CPZ: variants seen among roughly 807,000 people sequenced by gnomAD.
The protein encoded by CPZ is carboxypeptidase Z, also known as VEZT/CPZ fusion.
CPZ carries 103 observed loss-of-function variants against 61.8 expected under a neutral mutation model. The observed-to-expected ratio is 1.67, with a 90% CI of 1.42 to 1.96. The LOEUF (loss-of-function observed/expected upper bound fraction) is 1.96, where lower values mean the gene tolerates loss of function less well. CPZ is among the 30% of genes most tolerant of loss of function. The probability of loss-of-function intolerance (pLI) is 0.00; values close to 1 mark genes in which losing one functional copy is unlikely to be tolerated. For missense variants in CPZ, 1,461 were observed against 914.9 expected, an observed-to-expected ratio of 1.60 and a Z score of -7.70; for synonymous variants, 551 against 373.7, an observed-to-expected ratio of 1.47 and a Z score of -5.47.
chr4:8,617,110 C>T lies in CPZ; in HGVS notation c.1504-1319C>T, dbSNP rs377393011. Among the ~76,000 whole-genome samples the T allele has an allele frequency of 9.8e-5, 15 of 152,358 alleles. No individual in the cohort carries two copies. In the East Asian group the frequency reaches 1.2e-3, roughly 12 times the overall value. On this transcript the variant is annotated intron_variant, in intron 9 of 10. Coordinates refer to ENST00000360986, the MANE Select transcript of CPZ (RefSeq NM_001014447.3). ...GTGAGCCTGGAACAGCAGTTAGGTG[C>T]CACAGGGTCTGAGCTCACGGGCCGC...
intron 8 of CPZ, among the ~76,000 whole-genome samples, chr4:8,613,533 C>A (rs969868137): frequency 1.3e-5 from 2 of 152,332 alleles, no homozygotes; most frequent in Admixed American, 1.3e-4. Flanking sequence ...GGGGTCTGGG[C>A]AGGGACTGTC....
intron 1 of CPZ, among the ~76,000 whole-genome samples, chr4:8,598,231 A>T (rs1053456757): frequency 6.6e-6 from 1 of 152,240 alleles, no homozygotes. Context: ...GTAGGGATCC[A>T]GGACTGTGGT....
chr4:8,605,130 G>C (rs1486857360), intron 4 of CPZ, among the ~76,000 whole-genome samples: 1 of 152,218 alleles, frequency 6.6e-6, no homozygotes, highest in Admixed American at 6.5e-5. Context: ...CCCGGGATGT[G>C]GCATCTGAGG....
chr4:8,612,800 C>T lies in CPZ; in HGVS notation c.1363+638C>T, dbSNP rs773654237. On this transcript the variant is annotated intron_variant, in intron 8 of 10. Coordinates refer to ENST00000360986, the MANE Select transcript of CPZ (RefSeq NM_001014447.3). ...CATGCCGGCACATCACAGATGAGAG[C>T]GCTGGGCTCAGCTGAGAGAAGGACT... is the stretch of plus-strand genomic sequence containing the variant. Among the ~76,000 whole-genome samples the T allele has an allele frequency of 4.6e-5, 7 of 152,196 alleles. No individual in the cohort carries two copies. In the South Asian group the frequency reaches 6.2e-4, roughly 14 times the overall value.
intron 9 of CPZ, among the ~76,000 whole-genome samples, chr4:8,615,261 G>A (rs888973892): frequency 2.0e-5 from 3 of 152,056 alleles, no homozygotes; most frequent in Non-Finnish European, 4.4e-5. Flanking sequence ...GCCCCAGAGA[G>A]CCAAGGTCTC....
At chr4:8,611,619 G>A (rs1369753146) in intron 7 of CPZ, among the ~76,000 whole-genome samples, 4 of 152,138 alleles carry the variant, frequency 2.6e-5, no homozygotes, top group Admixed American at 1.3e-4. Flanking sequence ...AGATGAAGTC[G>A]GGGAAAATGC....
intron 1 of CPZ, among the ~76,000 whole-genome samples, chr4:8,595,408 A>C (rs1714105339): frequency 6.6e-6 from 1 of 152,220 alleles, no homozygotes. Flanking sequence ...CTAACCAGCC[A>C]CAGTCGTCCT....
chr4:8,606,987 G>A lies in CPZ; in HGVS notation c.1068+89G>A, dbSNP rs143093584. The A allele has an allele frequency of 1.8e-4, 263 of 1,425,054 alleles. No homozygotes were observed. In the African/African-American group the frequency reaches 3.3e-3, roughly 18 times the overall value. 88.3% of individuals were successfully genotyped at this position (1,425,054 alleles called of 1,614,324 possible). A position where few individuals can be genotyped will look rare whatever the true frequency, so the allele number is the denominator to read the frequency against. On this transcript the variant is annotated intron_variant, in intron 6 of 10. Coordinates refer to ENST00000360986, the MANE Select transcript of CPZ (RefSeq NM_001014447.3). ...GGCTCTCTGGAGTTGTCCTTCCCTGGGGACAGGAGAGCCTGGTGCTCCCTC... is the reference window on the plus strand; with the variant it reads ...GGCTCTCTGGAGTTGTCCTTCCCTGAGGACAGGAGAGCCTGGTGCTCCCTC...
chr4:8,613,998 G>A (rs1011489028), intron 8 of CPZ, among the ~76,000 whole-genome samples: 4 of 152,234 alleles, frequency 2.6e-5, no homozygotes, highest in Non-Finnish European at 5.9e-5. Flanking sequence ...GAGACAGCAT[G>A]GGGGTGGGGA....
chr4:8,619,140 G>A, intron 10 of CPZ, 122 bp from the exon 11 acceptor site: 1 of 780,560 alleles, frequency 1.3e-6, no homozygotes, highest in Non-Finnish European at 2.0e-6. Flanking sequence ...CCACACAGAG[G>A]CAAGTGCACA....
chr4:8,610,983 GTCACTCACTCTT>G (rs1004831349), intron 7 of CPZ, among the ~76,000 whole-genome samples: 5 of 151,536 alleles, frequency 3.3e-5, no homozygotes, highest in African/African-American at 9.7e-5. Flanking sequence ...CATTCACTCA[GTCACTCACTCTT>G]TCACTCATTC....
At chr4:8,597,316 G>C (rs7676533) in intron 1 of CPZ, 147,290 of 152,308 alleles carry the variant, frequency 0.97, 71,331 homozygotes, top group South Asian at 1. Context: ...CACTGACAGG[G>C]GGGTGAGGGC....
chr4:8,604,985 C>G (rs112334439), intron 4 of CPZ, among the ~76,000 whole-genome samples: 1 of 152,248 alleles, frequency 6.6e-6, no homozygotes, highest in East Asian at 1.9e-4. Flanking sequence ...CACTATGTTC[C>G]CTCTCCAACT....
Position 8,612,046 on chromosome 4 carries a change from GA to G in CPZ, c.1248del (p.Ala417ProfsTer8). 6.2e-7 allele frequency: 1 copy of G among 1,613,978 alleles called. No homozygotes were observed. Among genetic ancestry groups the G allele is most frequent in the Non-Finnish European group, 8.5e-7 (1 of 1,180,020 alleles). ...TTCCAGATGTTCAAGCTGCTGTCCAGAGCCTACGCTGACGTCCACCCCATGA... is the reference window on the plus strand; with the variant it reads ...TTCCAGATGTTCAAGCTGCTGTCCAGGCCTACGCTGACGTCCACCCCATGA... The part of the protein sequence containing the change: ...PDEKMFKLLS[R>X]AYADVHPMMM... On this transcript the variant is annotated frameshift_variant, in exon 8 of 11. Transcript: ENST00000360986. LOFTEE classifies it high-confidence loss of function.
At chr4:8,606,570 G>A (rs1471031663) in intron 5 of CPZ, among the ~76,000 whole-genome samples, 167 bp from the exon 6 acceptor site, 1 of 152,152 alleles carries the variant, frequency 6.6e-6, no homozygotes, top group Admixed American at 6.5e-5. Context: ...AAGGAGCCCC[G>A]GGGTGGAGAG....
Position 8,606,404 on chromosome 4 carries a change from G to A in CPZ, c.906+219G>A, listed in dbSNP as rs928302335. ...TTAAAAAGGTGATGCGTGTGATAGA[G>A]GAAAATGATGGAAAGGGAGTCGATG... On this transcript the variant is annotated intron_variant, in intron 5 of 10. Coordinates refer to ENST00000360986, the MANE Select transcript of CPZ (RefSeq NM_001014447.3). Among the ~76,000 whole-genome samples, 5 of 152,158 alleles carry A rather than the reference G, an allele frequency of 3.3e-5. No individual in the cohort carries two copies. The East Asian group carries it at 9.6e-4, about 29-fold the overall frequency.
At chr4:8,618,155 T>C (rs922269866) in intron 9 of CPZ, 14 of 455,422 alleles carry the variant, frequency 3.1e-5, no homozygotes, top group Admixed American at 3.7e-5. Flanking sequence ...TCAATGCCCA[T>C]AGAGATGGAG....
chr4:8,601,454 G>C lies in CPZ; in HGVS notation c.453G>C (p.Thr151=). 1 of 1,529,564 alleles carries C rather than the reference G, an allele frequency of 6.5e-7. No individual in the cohort carries two copies. The highest frequency in any genetic ancestry group is 1.2e-5 in the South Asian group (1 of 80,522). The allele number at this position is 1,529,564 out of a possible 1,614,324, so 94.7% of individuals were successfully genotyped here. Reference sequence around the variant, plus strand: ...TCCTTGACTGCCACCGCTACTTCACGAGAGAGGACGAGGGCTGCTATGACC... The same window carrying C: ...TCCTTGACTGCCACCGCTACTTCACCAGAGAGGACGAGGGCTGCTATGACC... ...PYFLDCHRYF[T]REDEGCYDPL... Residue 151 remains threonine (T), a synonymous_variant, in exon 3 of 11, where the codon ACG becomes ACC. Transcript: ENST00000360986.
At chr4:8,606,332 T>C (rs1025710459) in intron 5 of CPZ, 147 bp downstream of exon 5, 2 of 780,368 alleles carry the variant, frequency 2.6e-6, no homozygotes, top group Admixed American at 2.9e-5. Context: ...GGCAAACCCC[T>C]GCTTCAGGGG....
Sources: gnomAD v4.1 joint callset for allele counts (sites outside exome capture counted in the v4.1 genomes callset) on GRCh38, gnomAD v4.1.1 for gene constraint, MANE v1.5 for transcripts, NCBI Gene and HGNC (gene_info 2026-07-23, HGNC 2026-07-21) for gene names.